Variants in HNRNPLL observed in about 807,000 individuals in gnomAD.
HNRNPLL encodes heterogeneous nuclear ribonucleoprotein L-like.
A neutral mutation model predicts 67.1 loss-of-function variants in HNRNPLL; 25 were observed. The ratio of observed to expected loss-of-function variants is 0.37; its 90% confidence interval spans 0.27 to 0.52. HNRNPLL has a LOEUF of 0.52. Ranked by LOEUF, HNRNPLL falls within the 20% of genes least tolerant of loss-of-function variation. HNRNPLL has a pLI of 0.90. For synonymous variants in HNRNPLL, 267 were observed against 241.7 expected (o/e 1.10, Z -0.97); for missense variants, 542 against 673.9 (o/e 0.80, Z 2.17).
rs564292285 is a variant in HNRNPLL at position 38,595,257 on chromosome 2, G to C, written c.190-3609C>G. Among the ~76,000 whole-genome samples, 531 of 121,432 alleles carry C rather than the reference G, an allele frequency of 4.4e-3. 3 individuals are homozygous for C. The highest frequency in any genetic ancestry group is 5.9e-3 in the Non-Finnish European group (365 of 61,498). 79.7% of individuals were successfully genotyped at this position (121,432 alleles called of 152,430 possible). On this transcript the variant is annotated intron_variant, in intron 1 of 12. Transcript: ENST00000449105. ...ATCGTGCCACTCCAGCCTGGGTGAT[G>C]AGCAAGACCTTGTCTAAAAAAAAAA...
At position 38,570,792 on chromosome 2, in the gene HNRNPLL, G is replaced by C. The variant is rs535724978; in HGVS notation, c.1093-867C>G. ...GCAGTGGCTCACACTTGTAATCCCA[G>C]CACTTTTGAGAGGCCAAGGTGGGAT... On this transcript the variant is annotated intron_variant, in intron 8 of 12. Coordinates refer to ENST00000449105, the MANE Select transcript of HNRNPLL (RefSeq NM_138394.4). 7.2e-5 allele frequency among the ~76,000 whole-genome samples: 11 copies of C among 152,104 alleles called. No individual in the cohort carries two copies. The East Asian group carries it at 1.9e-3, about 27-fold the overall frequency.
intron 2 of HNRNPLL, among the ~76,000 whole-genome samples, chr2:38,591,035 A>G (rs1666940856): frequency 6.6e-6 from 1 of 152,218 alleles, no homozygotes; most frequent in Non-Finnish European, 1.5e-5. Flanking sequence ...CAATATGCAC[A>G]TGAACAAAAG....
chr2:38,577,440 CT>C lies in HNRNPLL; in HGVS notation c.874+20del. 6.8e-7 allele frequency: 1 copy of C among 1,477,196 alleles called. No individual in the cohort carries two copies. Among genetic ancestry groups the C allele is most frequent in the Non-Finnish European group, 9.5e-7 (1 of 1,055,668 alleles). The allele number at this position is 1,477,196 out of a possible 1,614,324, so 91.5% of individuals were successfully genotyped here. A position where few individuals can be genotyped will look rare whatever the true frequency, so the allele number is the denominator to read the frequency against. On this transcript the variant is annotated intron_variant, in intron 7 of 12. Transcript: ENST00000449105. ...TCAAACAGTTCATCTATACTACCTTCTTTCTACCTTGACAACTTACCATAGC... is the reference window on the plus strand; with the variant it reads ...TCAAACAGTTCATCTATACTACCTTCTTCTACCTTGACAACTTACCATAGC...
intron 7 of HNRNPLL, among the ~76,000 whole-genome samples, chr2:38,575,891 C>T (rs1172075500): frequency 6.6e-6 from 1 of 151,748 alleles, no homozygotes; most frequent in Non-Finnish European, 1.5e-5. Context: ...TTTATTCGCT[C>T]TCTTTCCTCC....
At chr2:38,587,544 A>G (rs979888736) in intron 2 of HNRNPLL, among the ~76,000 whole-genome samples, 5 of 152,230 alleles carry the variant, frequency 3.3e-5, no homozygotes, top group African/African-American at 1.2e-4. Context: ...CCCAGGAGAC[A>G]TTCCTTTTAG....
intron 1 of HNRNPLL, among the ~76,000 whole-genome samples, chr2:38,596,668 T>C (rs1225075069): frequency 1.3e-5 from 2 of 152,156 alleles, no homozygotes; most frequent in African/African-American, 4.8e-5. Flanking sequence ...CCCAACAATA[T>C]ATTAATATTG....
In HNRNPLL at chr2:38,585,820, C is replaced by G; in HGVS notation, c.370G>C (p.Ala124Pro). 6.2e-7 allele frequency: 1 copy of G among 1,613,952 alleles called. No homozygotes were observed. Among genetic ancestry groups the G allele is most frequent in the Non-Finnish European group, 8.5e-7 (1 of 1,179,912 alleles). The change falls in exon 3 of 13, where the codon GCC becomes CCC. Residue 124 changes from alanine (A) to proline (P), a missense_variant. Coordinates refer to ENST00000449105, the MANE Select transcript of HNRNPLL (RefSeq NM_138394.4). ...GCAGCAAATGTCACACATTCTTTGG[C>G]ACTATCTATGTTTTCAAATTCCACT... Reference protein sequence around the residue: ...ALVEFENIDSAKECVTFAADE... With the variant: ...ALVEFENIDSPKECVTFAADE...
chr2:38,601,047 G>C (rs1164410884), intron 1 of HNRNPLL, among the ~76,000 whole-genome samples: 1 of 152,168 alleles, frequency 6.6e-6, no homozygotes, highest in Non-Finnish European at 1.5e-5. Flanking sequence ...CGAAATATCA[G>C]TTATAATATT....
chr2:38,584,778 A>G (rs895911526), intron 3 of HNRNPLL, among the ~76,000 whole-genome samples: 4 of 152,144 alleles, frequency 2.6e-5, no homozygotes, highest in Non-Finnish European at 5.9e-5. Flanking sequence ...ACTTAGGAGT[A>G]ATTATTCAAC....
At chr2:38,586,819 C>T (rs1006237606) in intron 2 of HNRNPLL, among the ~76,000 whole-genome samples, 2 of 151,934 alleles carry the variant, frequency 1.3e-5, no homozygotes, top group African/African-American at 4.8e-5. Flanking sequence ...ATATTCTTTA[C>T]TAGAAAGACA....
intron 12 of HNRNPLL, among the ~76,000 whole-genome samples, chr2:38,566,938 G>T (rs1438936290): frequency 6.6e-6 from 1 of 152,004 alleles, no homozygotes; most frequent in African/African-American, 2.4e-5. Context: ...GTTCATCAGT[G>T]GGGGGACGGG....
chr2:38,569,794 A>T lies in HNRNPLL; in HGVS notation c.1214+10T>A. ...TTTTTTAAAATTTATCATTTAAGAT[A>T]GATAATTACCAAACATTAAGTCTTT... On this transcript the variant is annotated intron_variant, in intron 9 of 12. Coordinates refer to ENST00000449105, the MANE Select transcript of HNRNPLL (RefSeq NM_138394.4). 1 of 1,336,542 alleles carries T rather than the reference A, an allele frequency of 7.5e-7. No individual in the cohort carries two copies. Among genetic ancestry groups the T allele is most frequent in the Non-Finnish European group, 1.0e-6 (1 of 961,534 alleles). 82.8% of individuals were successfully genotyped at this position (1,336,542 alleles called of 1,614,324 possible).
rs573535581 is a variant in HNRNPLL at position 38,566,362 on chromosome 2, G to A, written c.1573+1837C>T. ...CAGTCTGGGGGACAGAGCAAGACTC[G>A]TCTCAAAAAAAAAAAACCAAAAAAA... On this transcript the variant is annotated intron_variant, in intron 12 of 12. Coordinates refer to ENST00000449105, the MANE Select transcript of HNRNPLL (RefSeq NM_138394.4). Among the ~76,000 whole-genome samples the A allele has an allele frequency of 6.4e-4, 73 of 114,766 alleles. 1 individual carries two copies. The South Asian group carries it at 0.017, about 26-fold the overall frequency. The allele number at this position is 114,766 out of a possible 152,430, so 75.3% of individuals were successfully genotyped here.
rs2148398609 is a variant in HNRNPLL, at chr2:38,602,545, C to T, written c.82G>A (p.Glu28Lys). 2 of 1,562,770 alleles carry T rather than the reference C, an allele frequency of 1.3e-6. No homozygotes were observed. The highest frequency in any genetic ancestry group is 2.4e-5 in the South Asian group (2 of 85,028). Residue 28 changes from glutamate (E) to lysine (K), a missense_variant, in exon 1 of 13, where the codon GAG (glutamate) becomes AAG (lysine). This residue lies in a region of HNRNPLL where 127 missense variants were observed against 98.7 expected (regional missense o/e 1.29). Coordinates refer to ENST00000449105, the MANE Select transcript of HNRNPLL (RefSeq NM_138394.4). ...YESQAKRLKT[E>K]EGEIDYSAEE... ...GCCGAGTAGTCGATCTCCCCCTCCT[C>T]GGTCTTGAGACGCTTGGCCTGGCTC... is the stretch of plus-strand genomic sequence containing the variant.
In HNRNPLL at chr2:38,569,811, TA is replaced by T; in HGVS notation, c.1206del (p.Asn403MetfsTer30). The T allele has an allele frequency of 7.0e-7, 1 of 1,419,234 alleles. No homozygotes were observed. The highest frequency in any genetic ancestry group is 9.8e-7 in the Non-Finnish European group (1 of 1,025,124). 87.9% of individuals were successfully genotyped at this position (1,419,234 alleles called of 1,614,324 possible). On this transcript the variant is annotated frameshift_variant, in exon 9 of 13. Transcript: ENST00000449105. LOFTEE classifies it high-confidence loss of function. ...TTTAAGATAGATAATTACCAAACAT[TA>T]AGTCTTTTCCCAAATAATTTGACAT... ...LNNVKLFGKR[L>X]NVCVSKQHSV...
At chr2:38,570,580 T>C (rs1666039322) in intron 8 of HNRNPLL, among the ~76,000 whole-genome samples, 1 of 152,186 alleles carries the variant, frequency 6.6e-6, no homozygotes, top group South Asian at 2.1e-4. Flanking sequence ...TACCCTCTTG[T>C]ACTATTTCCA....
chr2:38,591,618 C>T lies in HNRNPLL; in HGVS notation c.220G>A (p.Val74Ile). Residue 74 changes from valine (V) to isoleucine (I), a missense_variant, in exon 2 of 13, where the codon GTT becomes ATT. By Grantham distance (29) the Val-to-Ile change is conservative. Transcript: ENST00000449105. Reference sequence around the variant, plus strand: ...CCTCGAACATGGACGACGGGTGAAACAGAAACTTTATGATGACTTCCACCT... The same window carrying T: ...CCTCGAACATGGACGACGGGTGAAATAGAAACTTTATGATGACTTCCACCT... ...EAGGSHHKVSVSPVVHVRGLC... is the reference protein window; with the variant it reads ...EAGGSHHKVSISPVVHVRGLC... 2 of 1,613,268 alleles carry T rather than the reference C, an allele frequency of 1.2e-6. No homozygotes were observed. The highest frequency in any genetic ancestry group is 3.3e-4 in the Middle Eastern group (2 of 6,058).
chr2:38,569,372 G>C, intron 9 of HNRNPLL, 38 bp from the exon 10 acceptor site: 1 of 1,466,316 alleles, frequency 6.8e-7, no homozygotes, highest in Non-Finnish European at 9.5e-7. Flanking sequence ...AAAGTACTTT[G>C]TTAGATAAAA....
In HNRNPLL at chr2:38,564,103, T is replaced by C. The variant is rs574593533; in HGVS notation, c.*79A>G. 6.9e-5 allele frequency: 61 copies of C among 886,856 alleles called. 1 individual carries two copies. The South Asian group carries it at 7.6e-4, about 11-fold the overall frequency. 54.9% of individuals were successfully genotyped at this position (886,856 alleles called of 1,614,324 possible). A position where few individuals can be genotyped will look rare whatever the true frequency, so the allele number is the denominator to read the frequency against. Reference sequence around the variant, plus strand: ...AAGCAAGGCAACATGAGATCAACCATTTTAGATTTTTTTTTAATGAAGTGT... The same window carrying C: ...AAGCAAGGCAACATGAGATCAACCACTTTAGATTTTTTTTTAATGAAGTGT... On this transcript the variant is annotated 3_prime_UTR_variant, in exon 13 of 13. Coordinates refer to ENST00000449105, the MANE Select transcript of HNRNPLL (RefSeq NM_138394.4).
Sources: allele counts gnomAD v4.1 joint callset (sites outside exome capture counted in the v4.1 genomes callset), GRCh38; gene constraint gnomAD v4.1.1; regional missense constraint gnomAD v4.1.1; transcripts MANE v1.5; gene names NCBI Gene and HGNC (gene_info 2026-07-23, HGNC 2026-07-21).